The following MDGA2 variants were observed in gnomAD, a reference collection of about 807,000 sequenced individuals.
MDGA2 encodes MAM domain-containing glycosylphosphatidylinositol anchor protein 2.
Under a neutral mutation model 117.8 loss-of-function variants are expected in MDGA2, and 40 were observed. The observed-to-expected ratio is 0.34, with a 90% CI of 0.26 to 0.44. The LOEUF is 0.44. MDGA2 is among the 20% of genes least tolerant of loss of function. The probability of loss-of-function intolerance (pLI) is 1.00; values close to 1 mark genes in which losing one functional copy is unlikely to be tolerated. For synonymous variants in MDGA2, 452 were observed against 439.0 expected, an observed-to-expected ratio of 1.03 and a Z score of -0.37; for missense variants, 1,123 against 1,250.6, an observed-to-expected ratio of 0.90 and a Z score of 1.54.
chr14:47,652,654 C>T (rs564549361), intron 1 of MDGA2, among the ~76,000 whole-genome samples: 1 of 152,184 alleles, frequency 6.6e-6, no homozygotes, highest in African/African-American at 2.4e-5. Context: ...AAAACAAGTA[C>T]TGTAAAACAT....
In MDGA2 at chr14:46,975,706, C is replaced by T. The variant is rs374318036; in HGVS notation, c.1820-18063G>A. Reference sequence around the variant, plus strand: ...GGCTGGGGGAGGAGATATCTTAGTACGTTTGAGTTACTATTAAAAAATACC... The same window carrying T: ...GGCTGGGGGAGGAGATATCTTAGTATGTTTGAGTTACTATTAAAAAATACC... On this transcript the variant is annotated intron_variant, in intron 8 of 16. Coordinates refer to ENST00000399232, the MANE Select transcript of MDGA2 (RefSeq NM_001113498.3). Among the ~76,000 whole-genome samples the T allele has an allele frequency of 3.3e-5, 5 of 152,000 alleles. No individual in the cohort carries two copies. In the East Asian group the frequency reaches 5.8e-4, roughly 18 times the overall value.
At chr14:47,398,861 A>G (rs960827655) in intron 1 of MDGA2, among the ~76,000 whole-genome samples, 2 of 152,136 alleles carry the variant, frequency 1.3e-5, no homozygotes, top group Admixed American at 6.6e-5. Context: ...GTATTTAACT[A>G]TTTCTAGCAT....
At chr14:47,130,967 T>C (rs571879124) in intron 5 of MDGA2, among the ~76,000 whole-genome samples, 19 of 152,252 alleles carry the variant, frequency 1.2e-4, no homozygotes, top group African/African-American at 3.6e-4. Flanking sequence ...TGTATACATA[T>C]GTAACAAACC....
intron 1 of MDGA2, among the ~76,000 whole-genome samples, chr14:47,383,495 A>T (rs1441992124): frequency 3.3e-5 from 5 of 152,148 alleles, no homozygotes; most frequent in African/African-American, 4.8e-5. Flanking sequence ...AAAGTAAATG[A>T]CACATATCAC....
At chr14:47,315,365 A>T (rs1219650173) in intron 1 of MDGA2, among the ~76,000 whole-genome samples, 1 of 152,116 alleles carries the variant, frequency 6.6e-6, no homozygotes, top group African/African-American at 2.4e-5. Flanking sequence ...TGCCCTACCA[A>T]GTCTGCCTGA....
chr14:47,395,336 T>C (rs1007288404), intron 1 of MDGA2, among the ~76,000 whole-genome samples: 4 of 152,154 alleles, frequency 2.6e-5, no homozygotes, highest in African/African-American at 7.2e-5. Flanking sequence ...TATGTAGTCA[T>C]ATCCCAGAGT....
At chr14:47,386,605 A>C (rs560747900) in intron 1 of MDGA2, among the ~76,000 whole-genome samples, 1 of 152,344 alleles carries the variant, frequency 6.6e-6, no homozygotes, top group South Asian at 2.1e-4. Flanking sequence ...GAGTGAAAAC[A>C]TATGAAGAGC....
At chr14:47,155,849 T>G (rs146710937) in intron 3 of MDGA2, among the ~76,000 whole-genome samples, 1 of 150,860 alleles carries the variant, frequency 6.6e-6, no homozygotes, top group Non-Finnish European at 1.5e-5. Context: ...ATTTTTTATA[T>G]GAATTTTTTT....
intron 1 of MDGA2, among the ~76,000 whole-genome samples, chr14:47,508,923 C>T (rs1411439102): frequency 6.6e-6 from 1 of 152,140 alleles, no homozygotes; most frequent in Admixed American, 6.5e-5. Flanking sequence ...ATCTCCTGAC[C>T]TCGTGATCCA....
intron 6 of MDGA2, among the ~76,000 whole-genome samples, chr14:47,086,722 G>C (rs1890916536): frequency 6.6e-6 from 1 of 152,042 alleles, no homozygotes; most frequent in Admixed American, 6.6e-5. Context: ...GCAAATGAAA[G>C]AGACATTTTA....
At chr14:47,012,273 C>A (rs1887921163) in intron 8 of MDGA2, among the ~76,000 whole-genome samples, 1 of 152,128 alleles carries the variant, frequency 6.6e-6, no homozygotes, top group Non-Finnish European at 1.5e-5. Flanking sequence ...TCAGTTGAAT[C>A]AACCTCCATG....
intron 6 of MDGA2, among the ~76,000 whole-genome samples, chr14:47,094,720 T>C (rs368415023): frequency 6.6e-6 from 1 of 152,036 alleles, no homozygotes; most frequent in Non-Finnish European, 1.5e-5. Flanking sequence ...ATCATCATAC[T>C]TCAATACTTT....
chr14:47,199,250 T>A (rs1294025244), intron 3 of MDGA2, among the ~76,000 whole-genome samples: 2 of 152,112 alleles, frequency 1.3e-5, no homozygotes, highest in East Asian at 1.9e-4. Context: ...TATTTTCACA[T>A]CTGATTTTTT....
chr14:46,925,404 G>A (rs1566528019), intron 9 of MDGA2, among the ~76,000 whole-genome samples: 3 of 152,098 alleles, frequency 2.0e-5, no homozygotes, highest in Non-Finnish European at 2.9e-5. Flanking sequence ...GGTCAAGGTG[G>A]GAGGATCACT....
At chr14:46,890,906 T>C (rs1882855718) in intron 10 of MDGA2, among the ~76,000 whole-genome samples, 2 of 152,194 alleles carry the variant, frequency 1.3e-5, no homozygotes, top group South Asian at 4.1e-4. Context: ...ATTAAGGGTG[T>C]TATGATAAAG....
At chr14:46,986,867 C>G (rs1374026018) in intron 8 of MDGA2, among the ~76,000 whole-genome samples, 1 of 152,106 alleles carries the variant, frequency 6.6e-6, no homozygotes, top group African/African-American at 2.4e-5. Flanking sequence ...ACTTAGAAAG[C>G]TTGGTTAACA....
At chr14:47,156,100 G>T (rs1188679902) in intron 3 of MDGA2, among the ~76,000 whole-genome samples, 1 of 151,038 alleles carries the variant, frequency 6.6e-6, no homozygotes, top group Non-Finnish European at 1.5e-5. Context: ...TAGAGGCGGG[G>T]TTTCACCATG....
At chr14:47,496,396 C>A (rs1311194871) in intron 1 of MDGA2, among the ~76,000 whole-genome samples, 2 of 152,028 alleles carry the variant, frequency 1.3e-5, no homozygotes, top group Admixed American at 1.3e-4. Context: ...GCACACACCA[C>A]CAAGCCTGGC....
chr14:47,553,293 C>T (rs909488309), intron 1 of MDGA2, among the ~76,000 whole-genome samples: 4 of 152,236 alleles, frequency 2.6e-5, no homozygotes, highest in African/African-American at 9.6e-5. Context: ...GAAAAGTGTT[C>T]GGCACAGAAT....
Sources: allele counts gnomAD v4.1 joint callset (sites outside exome capture counted in the v4.1 genomes callset), GRCh38; gene constraint gnomAD v4.1.1; transcripts MANE v1.5; gene names NCBI Gene and HGNC (gene_info 2026-07-23, HGNC 2026-07-21).